LPP: variants seen among roughly 807,000 people sequenced by gnomAD.
LPP encodes lipoma-preferred partner.
LPP carries 38 observed loss-of-function variants against 60.4 expected under a neutral mutation model. The observed-to-expected ratio is 0.63, with a 90% CI of 0.49 to 0.83. The LOEUF is 0.83. LPP is among the 40% of genes least tolerant of loss of function. The pLI is 0.00. For missense variants in LPP, 902 were observed against 783.6 expected (o/e 1.15, Z -1.80); for synonymous variants, 328 against 290.8 (o/e 1.13, Z -1.30).
intron 7 of LPP, among the ~76,000 whole-genome samples, chr3:188,622,975 C>T (rs907056220): frequency 2.0e-5 from 3 of 147,784 alleles, no homozygotes; most frequent in African/African-American, 7.5e-5. Context: ...CTGCAGTAAG[C>T]CCAGATCACA....
intron 2 of LPP, among the ~76,000 whole-genome samples, chr3:188,253,571 T>C (rs1696921687): frequency 6.6e-6 from 1 of 152,148 alleles, no homozygotes; most frequent in South Asian, 2.1e-4. Context: ...TGAAGGAGAA[T>C]GATGGTAAAC....
intron 3 of LPP, among the ~76,000 whole-genome samples, chr3:188,391,347 G>T (rs796157057): frequency 6.6e-6 from 1 of 152,186 alleles, no homozygotes; most frequent in East Asian, 1.9e-4. Context: ...CTCTGTGCAC[G>T]GCTCTTCTAG....
At chr3:188,703,210 T>G (rs1864830399) in intron 7 of LPP, among the ~76,000 whole-genome samples, 1 of 152,204 alleles carries the variant, frequency 6.6e-6, no homozygotes, top group African/African-American at 2.4e-5. Context: ...GAAACAAAAA[T>G]AACACAAACT....
At chr3:188,626,395 A>C (rs1358958912) in intron 7 of LPP, among the ~76,000 whole-genome samples, 6 of 151,506 alleles carry the variant, frequency 4.0e-5, no homozygotes, top group African/African-American at 1.5e-4. Flanking sequence ...CATATATATA[A>C]GGGATTTGAG....
intron 9 of LPP, among the ~76,000 whole-genome samples, chr3:188,824,756 A>G (rs1351230546): frequency 6.6e-6 from 1 of 152,196 alleles, no homozygotes; most frequent in African/African-American, 2.4e-5. Flanking sequence ...GTGCCGTCAG[A>G]ATCGTTAAGT....
At chr3:188,368,682 TCACACACACACACA>T (rs1289084950) in intron 3 of LPP, among the ~76,000 whole-genome samples, 31 of 129,518 alleles carry the variant, frequency 2.4e-4, no homozygotes, top group African/African-American at 7.5e-4. Context: ...ACACACACTC[TCACACACACACACA>T]CACACACACA....
intron 3 of LPP, among the ~76,000 whole-genome samples, chr3:188,388,683 C>T (rs73050751): frequency 0.014 from 2,059 of 152,242 alleles, 40 homozygotes; most frequent in African/African-American, 0.045. Flanking sequence ...TCACAATAAA[C>T]CCTGATATAA....
intron 5 of LPP, among the ~76,000 whole-genome samples, 165 bp downstream of exon 5, chr3:188,484,869 A>G (rs1805876724): frequency 6.6e-6 from 1 of 152,206 alleles, no homozygotes; most frequent in Non-Finnish European, 1.5e-5. Flanking sequence ...AAGGTACTTT[A>G]ATGCAACATA....
intron 6 of LPP, chr3:188,584,545 T>TTGTGTGTGTGTGTG (rs752997019): frequency 8.4e-6 from 1 of 118,754 alleles, no homozygotes; most frequent in African/African-American, 2.9e-5. Flanking sequence ...TTAATTTTAG[T>TTGTGTGTGTGTGTG]CGTGTGTGTG....
chr3:188,849,099 G>A (rs1169133291), intron 9 of LPP, among the ~76,000 whole-genome samples: 3 of 152,274 alleles, frequency 2.0e-5, no homozygotes, highest in East Asian at 3.9e-4. Context: ...CGTGGTGAGC[G>A]AGGCCCAGCT....
intron 8 of LPP, among the ~76,000 whole-genome samples, chr3:188,741,020 T>A (rs958818149): frequency 1.3e-5 from 2 of 151,938 alleles, no homozygotes; most frequent in African/African-American, 4.8e-5. Flanking sequence ...AAAATAAATT[T>A]AAAAAGCATC....
chr3:188,834,700 C>T (rs1412935886), intron 9 of LPP, among the ~76,000 whole-genome samples: 1 of 152,190 alleles, frequency 6.6e-6, no homozygotes, highest in African/African-American at 2.4e-5. Flanking sequence ...AGCTGACATT[C>T]CTTAACTCTT....
intron 3 of LPP, among the ~76,000 whole-genome samples, chr3:188,354,800 AACAC>A (rs1012348256): frequency 2.1e-5 from 3 of 145,478 alleles, no homozygotes; most frequent in Non-Finnish European, 4.5e-5. Flanking sequence ...TTAATCAATG[AACAC>A]ACACACGCGC....
intron 8 of LPP, among the ~76,000 whole-genome samples, chr3:188,719,825 G>T (rs1267883649): frequency 6.6e-6 from 1 of 152,170 alleles, no homozygotes; most frequent in Non-Finnish European, 1.5e-5. Flanking sequence ...GTGACATTAG[G>T]ATTGTCAGAA....
At chr3:188,670,348 T>C (rs148481229) in intron 7 of LPP, among the ~76,000 whole-genome samples, 8 of 152,272 alleles carry the variant, frequency 5.3e-5, no homozygotes, top group African/African-American at 1.9e-4. Context: ...AAATTCCTTG[T>C]TTACAGATGG....
chr3:188,799,405 AT>A (rs1342657656), intron 9 of LPP, among the ~76,000 whole-genome samples: 1 of 152,142 alleles, frequency 6.6e-6, no homozygotes, highest in African/African-American at 2.4e-5. Flanking sequence ...CCTCAGAGAT[AT>A]TTTTTGCAAG....
At chr3:188,796,367 G>A (rs1024803969) in intron 9 of LPP, among the ~76,000 whole-genome samples, 10 of 152,142 alleles carry the variant, frequency 6.6e-5, no homozygotes, top group African/African-American at 2.2e-4. Flanking sequence ...AAGGACTTAG[G>A]CCTTGCTAAG....
intron 5 of LPP, among the ~76,000 whole-genome samples, chr3:188,503,576 T>C (rs936612177): frequency 6.6e-6 from 1 of 152,116 alleles, no homozygotes; most frequent in Non-Finnish European, 1.5e-5. Flanking sequence ...CTTCTCAACC[T>C]GCAGGCTTCC....
intron 9 of LPP, among the ~76,000 whole-genome samples, chr3:188,802,482 A>T (rs1261647071): frequency 2.0e-5 from 3 of 152,196 alleles, no homozygotes; most frequent in Non-Finnish European, 2.9e-5. Flanking sequence ...ATGTCTTTTT[A>T]AAAAATAATA....
Sources: gnomAD v4.1 joint callset for allele counts (sites outside exome capture counted in the v4.1 genomes callset) on GRCh38, gnomAD v4.1.1 for gene constraint, MANE v1.5 for transcripts, NCBI Gene and HGNC (gene_info 2026-07-23, HGNC 2026-07-21) for gene names.